FHIT: variants seen among roughly 807,000 people sequenced by gnomAD.
FHIT encodes bis(5'-adenosyl)-triphosphatase.
A neutral mutation model predicts 17.9 loss-of-function variants in FHIT; 19 were observed. That is an observed-to-expected ratio of 1.06 (90% CI 0.74 to 1.56). The LOEUF is 1.56. FHIT is among the 40% of genes most tolerant of loss of function. The pLI is 0.00. For missense variants in FHIT, 248 were observed against 189.2 expected, an observed-to-expected ratio of 1.31 and a Z score of -1.82; for synonymous variants, 81 against 69.7, an observed-to-expected ratio of 1.16 and a Z score of -0.81.
intron 4 of FHIT, among the ~76,000 whole-genome samples, chr3:60,614,033 G>A (rs2038865913): frequency 1.3e-5 from 2 of 152,124 alleles, no homozygotes; most frequent in Non-Finnish European, 2.9e-5. Context: ...AAGTGATACA[G>A]GTTGTGGGTG....
intron 5 of FHIT, among the ~76,000 whole-genome samples, chr3:60,505,396 A>T (rs927568601): frequency 1.3e-5 from 2 of 152,214 alleles, no homozygotes; most frequent in Non-Finnish European, 2.9e-5. Flanking sequence ...TCAGAATTAA[A>T]TAAGTGGTAG....
chr3:60,160,503 C>T (rs1350203423), intron 5 of FHIT, among the ~76,000 whole-genome samples: 1 of 152,118 alleles, frequency 6.6e-6, no homozygotes, highest in African/African-American at 2.4e-5. Flanking sequence ...AATCAAGAAC[C>T]TCAAAACCTA....
chr3:60,208,431 A>G (rs1703300848), intron 5 of FHIT, among the ~76,000 whole-genome samples: 1 of 152,188 alleles, frequency 6.6e-6, no homozygotes, highest in South Asian at 2.1e-4. Context: ...GCATCATATA[A>G]AAGTCAAACT....
intron 2 of FHIT, among the ~76,000 whole-genome samples, chr3:61,073,505 T>C (rs1343771029): frequency 6.6e-6 from 1 of 152,178 alleles, no homozygotes; most frequent in African/African-American, 2.4e-5. Flanking sequence ...TTTTAAATTT[T>C]AGTGAAAAAT....
At chr3:60,663,894 G>A (rs2040321179) in intron 4 of FHIT, among the ~76,000 whole-genome samples, 1 of 152,148 alleles carries the variant, frequency 6.6e-6, no homozygotes, top group African/African-American at 2.4e-5. Flanking sequence ...TAGGATTTTT[G>A]TTGTTGTAGA....
intron 2 of FHIT, among the ~76,000 whole-genome samples, chr3:61,188,568 C>T (rs1223188469): frequency 1.3e-5 from 2 of 152,164 alleles, no homozygotes. Flanking sequence ...GGGAATCCTC[C>T]CTAACTCATT....
chr3:60,454,927 C>G (rs1314451565), intron 5 of FHIT, among the ~76,000 whole-genome samples: 2 of 152,018 alleles, frequency 1.3e-5, no homozygotes, highest in East Asian at 1.9e-4. Flanking sequence ...GGGTATTACC[C>G]AAGTTTAATA....
intron 5 of FHIT, among the ~76,000 whole-genome samples, chr3:60,432,439 C>T (rs748469108): frequency 1.1e-4 from 17 of 151,968 alleles, no homozygotes; most frequent in East Asian, 1.9e-4. Context: ...CATCCATATG[C>T]GTCATCTATA....
intron 5 of FHIT, among the ~76,000 whole-genome samples, chr3:60,130,465 T>A (rs1406655984): frequency 1.3e-5 from 2 of 152,066 alleles, no homozygotes; most frequent in East Asian, 3.9e-4. Context: ...AGAGGTAAAG[T>A]CATTTCACAC....
In FHIT at chr3:59,747,383, G is replaced by A. The variant is rs554286551; in HGVS notation, c.*2202C>T. ...AGCAGGCAAGACAGCGTATTCAGGG[G>A]AAATGTCCTTTATAAAACCATCACT... On this transcript the variant is annotated 3_prime_UTR_variant, in exon 10 of 10. Coordinates refer to ENST00000492590, the MANE Select transcript of FHIT (RefSeq NM_002012.4). 6.6e-6 allele frequency among the ~76,000 whole-genome samples: 1 copy of A among 152,158 alleles called. No individual in the cohort carries two copies. The highest frequency in any genetic ancestry group is 2.4e-5 in the African/African-American group (1 of 41,522).
chr3:60,571,371 G>GAAT (rs1325311570), intron 4 of FHIT, among the ~76,000 whole-genome samples: 1 of 95,852 alleles, frequency 1.0e-5, no homozygotes, highest in Non-Finnish European at 2.2e-5. Flanking sequence ...AAAGAACAAT[G>GAAT]AATGACGTAT....
intron 3 of FHIT, among the ~76,000 whole-genome samples, chr3:61,038,195 A>G (rs1017489713): frequency 1.3e-5 from 2 of 152,262 alleles, no homozygotes; most frequent in African/African-American, 2.4e-5. Flanking sequence ...CTCAGCTTCA[A>G]TAAAACAGGT....
At chr3:60,123,967 A>AAAAT (rs1324108056) in intron 5 of FHIT, among the ~76,000 whole-genome samples, 4 of 27,796 alleles carry the variant, frequency 1.4e-4, no homozygotes, top group African/African-American at 5.7e-4. Flanking sequence ...ATGCACTAAA[A>AAAAT]ATATATATAT....
chr3:60,570,084 T>C (rs1484000747), intron 4 of FHIT, among the ~76,000 whole-genome samples: 1 of 152,110 alleles, frequency 6.6e-6, no homozygotes, highest in Non-Finnish European at 1.5e-5. Context: ...TCACAGTCTA[T>C]GGCGGTGGGA....
Position 59,946,485 on chromosome 3 carries a change from G to A in FHIT, c.280-24071C>T, listed in dbSNP as rs150807382. Among the ~76,000 whole-genome samples, 41 of 152,184 alleles carry A rather than the reference G, an allele frequency of 2.7e-4. No individual in the cohort carries two copies. The East Asian group carries it at 3.1e-3, about 11-fold the overall frequency. ...TTTCCAACAGATGGTTTAACTTCCCGTCTTGCTATTTATATGCCTTTTATT... is the reference window on the plus strand; with the variant it reads ...TTTCCAACAGATGGTTTAACTTCCCATCTTGCTATTTATATGCCTTTTATT... On this transcript the variant is annotated intron_variant, in intron 7 of 9. Coordinates refer to ENST00000492590, the MANE Select transcript of FHIT (RefSeq NM_002012.4).
chr3:60,051,076 C>T (rs887524224), intron 5 of FHIT, among the ~76,000 whole-genome samples: 7 of 152,110 alleles, frequency 4.6e-5, no homozygotes, highest in African/African-American at 7.2e-5. Context: ...GGCATCAATG[C>T]TCTGCTAAAG....
intron 4 of FHIT, among the ~76,000 whole-genome samples, chr3:60,675,455 G>C (rs2040602155): frequency 6.6e-6 from 1 of 152,202 alleles, no homozygotes; most frequent in African/African-American, 2.4e-5. Context: ...AGGAGAAAGA[G>C]GAAGCTCAAG....
At chr3:60,579,574 T>C (rs2037687173) in intron 4 of FHIT, among the ~76,000 whole-genome samples, 1 of 152,180 alleles carries the variant, frequency 6.6e-6, no homozygotes, top group Non-Finnish European at 1.5e-5. Flanking sequence ...TATGTGAATA[T>C]ATAAACACAT....
intron 4 of FHIT, among the ~76,000 whole-genome samples, chr3:60,661,390 T>TGCCC (rs2040243998): frequency 1.3e-5 from 2 of 152,222 alleles, no homozygotes; most frequent in Admixed American, 1.3e-4. Context: ...TTTCATTTCT[T>TGCCC]TTTTACGGCT....
Sources: allele counts gnomAD v4.1 joint callset (sites outside exome capture counted in the v4.1 genomes callset), GRCh38; gene constraint gnomAD v4.1.1; transcripts MANE v1.5; gene names NCBI Gene and HGNC (gene_info 2026-07-23, HGNC 2026-07-21).